The following NUMB variants were observed in gnomAD, a reference collection of about 807,000 sequenced individuals.
The protein encoded by NUMB is NUMB endocytic adaptor protein.
Under a neutral mutation model 59.7 loss-of-function variants are expected in NUMB, and 29 were observed. The ratio of observed to expected loss-of-function variants is 0.49; its 90% CI spans 0.36 to 0.66. NUMB has a LOEUF of 0.66. Among genes scored for constraint, NUMB ranks in the 30% least tolerant of loss-of-function variants. NUMB has a pLI of 0.00. For missense variants in NUMB, 723 were observed against 822.0 expected, an observed-to-expected ratio of 0.88 and a Z score of 1.47; for synonymous variants, 288 against 288.2, an observed-to-expected ratio of 1.00 and a Z score of 0.01.
At chr14:73,291,186 T>C (rs1889369956) in intron 8 of NUMB, among the ~76,000 whole-genome samples, 2 of 151,456 alleles carry the variant, frequency 1.3e-5, no homozygotes, top group Admixed American at 1.3e-4. Flanking sequence ...GTTCAAGCGA[T>C]TCTCGTGCCT....
At chr14:73,333,433 T>C (rs914971817) in intron 4 of NUMB, among the ~76,000 whole-genome samples, 1 of 152,198 alleles carries the variant, frequency 6.6e-6, no homozygotes, top group African/African-American at 2.4e-5. Flanking sequence ...GGTCTCACTT[T>C]GTTGCCCAGG....
chr14:73,408,134 G>A (rs1284118678), intron 2 of NUMB, among the ~76,000 whole-genome samples: 1 of 152,078 alleles, frequency 6.6e-6, no homozygotes, highest in Non-Finnish European at 1.5e-5. Flanking sequence ...GGCTGAGGCA[G>A]GAGAATGGCA....
At chr14:73,446,401 T>G (rs1380912621) in intron 1 of NUMB, among the ~76,000 whole-genome samples, 1 of 148,430 alleles carries the variant, frequency 6.7e-6, no homozygotes, top group Non-Finnish European at 1.5e-5. Flanking sequence ...AGGTCAGGAG[T>G]TCGAGACCAG....
intron 1 of NUMB, among the ~76,000 whole-genome samples, chr14:73,440,620 C>A (rs72736372): frequency 6.6e-6 from 1 of 151,098 alleles, no homozygotes; most frequent in African/African-American, 2.4e-5. Flanking sequence ...CTGAGGCGGG[C>A]GGATCACGAG....
At chr14:73,304,555 A>C (rs1255284250) in intron 6 of NUMB, among the ~76,000 whole-genome samples, 1 of 151,922 alleles carries the variant, frequency 6.6e-6, no homozygotes, top group Non-Finnish European at 1.5e-5. Context: ...TGATCCTCCC[A>C]CCTCAGCCTC....
At chr14:73,449,138 T>C (rs1883751281) in intron 1 of NUMB, among the ~76,000 whole-genome samples, 1 of 152,180 alleles carries the variant, frequency 6.6e-6, no homozygotes, top group Non-Finnish European at 1.5e-5. Context: ...GCTATTACTT[T>C]TAATGGCAAA....
At chr14:73,347,471 TACA>T (rs77506082) in intron 4 of NUMB, among the ~76,000 whole-genome samples, 23,688 of 152,022 alleles carry the variant, frequency 0.16, 2,635 homozygotes, top group Non-Finnish European at 0.23. Flanking sequence ...CCCATCCTTA[TACA>T]ACATTTTCAG....
At chr14:73,456,799 G>A (rs946516363) in intron 1 of NUMB, among the ~76,000 whole-genome samples, 3 of 152,148 alleles carry the variant, frequency 2.0e-5, no homozygotes, top group Non-Finnish European at 4.4e-5. Flanking sequence ...TCTGACCAAC[G>A]TGATCATCAT....
intron 2 of NUMB, among the ~76,000 whole-genome samples, chr14:73,369,038 C>A (rs75863100): frequency 0.06 from 7,745 of 129,300 alleles, 310 homozygotes; most frequent in East Asian, 0.17. Context: ...CCTAATAGAA[C>A]ATTTTCTTTT....
chr14:73,417,227 G>C (rs1243090792), intron 1 of NUMB, among the ~76,000 whole-genome samples: 1 of 151,958 alleles, frequency 6.6e-6, no homozygotes, highest in Non-Finnish European at 1.5e-5. Context: ...GCCAGACAAG[G>C]ACTCAGGTAA....
chr14:73,306,662 T>C (rs1306701640), intron 6 of NUMB, among the ~76,000 whole-genome samples: 3 of 152,248 alleles, frequency 2.0e-5, no homozygotes, highest in Non-Finnish European at 1.5e-5. Context: ...GGCTCAGCCC[T>C]AGGTGTCATC....
intron 6 of NUMB, 47 bp downstream of exon 6, chr14:73,316,343 G>A (rs1448471219): frequency 6.5e-7 from 1 of 1,539,540 alleles, no homozygotes; most frequent in South Asian, 1.1e-5. Flanking sequence ...GCTACACTAG[G>A]GGTGTAACTC....
chr14:73,390,638 C>CTTTTTTTTTTTT lies in NUMB; in HGVS notation c.-101+19287_-101+19298dup, dbSNP rs55831976. Reference sequence around the variant, plus strand: ...ATTTCCTTGAGGACAAAAACAAAGTCTTTTTTTTTTTTTTTTTTTTTTTTT... The same window carrying CTTTTTTTTTTTT: ...ATTTCCTTGAGGACAAAAACAAAGTCTTTTTTTTTTTTTTTTTTTTTTTTTTTTTTTTTTTTT... On this transcript the variant is annotated intron_variant, in intron 2 of 12. Coordinates refer to ENST00000555238, the MANE Select transcript of NUMB (RefSeq NM_001005743.2). Among the ~76,000 whole-genome samples, 73 of 39,410 alleles carry CTTTTTTTTTTTT rather than the reference C, an allele frequency of 1.9e-3. 11 individuals carry two copies. Among genetic ancestry groups the CTTTTTTTTTTTT allele is most frequent in the Non-Finnish European group, 3.0e-3 (63 of 21,178 alleles). The allele number at this position is 39,410 out of a possible 152,430, so 25.9% of individuals were successfully genotyped here.
intron 1 of NUMB, 79 bp downstream of exon 1, chr14:73,458,414 C>T (rs922795528): frequency 6.5e-6 from 1 of 153,038 alleles, no homozygotes; most frequent in Non-Finnish European, 1.5e-5. Context: ...TTCCTCCGGC[C>T]TCCGCCTCCG....
intron 11 of NUMB, among the ~76,000 whole-genome samples, chr14:73,280,160 C>CA (rs202214512): frequency 0.16 from 23,764 of 150,292 alleles, 2,669 homozygotes; most frequent in Non-Finnish European, 0.23. Context: ...CCATCTCAAA[C>CA]AAAAAAAAAT....
chr14:73,398,361 T>G (rs891811291), intron 2 of NUMB, among the ~76,000 whole-genome samples: 2 of 150,908 alleles, frequency 1.3e-5, no homozygotes, highest in African/African-American at 4.9e-5. Flanking sequence ...ATTAATAAAC[T>G]ACATATTTGT....
At chr14:73,430,285 T>C (rs761837300) in intron 1 of NUMB, among the ~76,000 whole-genome samples, 20 of 152,080 alleles carry the variant, frequency 1.3e-4, no homozygotes, top group Non-Finnish European at 2.5e-4. Flanking sequence ...CATTTAATTA[T>C]ATATGACAAC....
intron 2 of NUMB, among the ~76,000 whole-genome samples, chr14:73,395,450 C>A (rs1896087829): frequency 6.6e-6 from 1 of 151,836 alleles, no homozygotes; most frequent in African/African-American, 2.4e-5. Flanking sequence ...TGGCAAAACC[C>A]CATCTCTACA....
intron 2 of NUMB, among the ~76,000 whole-genome samples, chr14:73,405,329 G>T (rs1029686611): frequency 6.6e-6 from 1 of 152,196 alleles, no homozygotes; most frequent in Non-Finnish European, 1.5e-5. Context: ...CAATGGTGCA[G>T]GCAGAGAGAG....
Sources: allele counts gnomAD v4.1 joint callset (sites outside exome capture counted in the v4.1 genomes callset), GRCh38; gene constraint gnomAD v4.1.1; transcripts MANE v1.5; gene names NCBI Gene and HGNC (gene_info 2026-07-23, HGNC 2026-07-21).